The following PDS5A variants were observed in gnomAD, a reference collection of about 807,000 sequenced individuals.
The protein encoded by PDS5A is PDS5 cohesin associated factor A.
PDS5A carries 42 observed loss-of-function variants against 167.1 expected under a neutral mutation model. That is an observed-to-expected ratio of 0.25 (90% CI 0.20 to 0.33). PDS5A has a LOEUF of 0.33. PDS5A is among the 10% of genes least tolerant of loss of function. The pLI is 1.00. For missense variants in PDS5A, 1,033 were observed against 1,605.9 expected (o/e 0.64, Z 6.10); for synonymous variants, 553 against 554.6 (o/e 1.00, Z 0.04).
At chr4:39,888,303 G>A (rs947112453) in intron 17 of PDS5A, among the ~76,000 whole-genome samples, 13 of 150,418 alleles carry the variant, frequency 8.6e-5, no homozygotes, top group Non-Finnish European at 1.5e-4. Flanking sequence ...AACGGATGCC[G>A]GCGAGGATGT....
intron 22 of PDS5A, among the ~76,000 whole-genome samples, chr4:39,869,183 G>A (rs1441925692): frequency 6.6e-6 from 1 of 152,056 alleles, no homozygotes; most frequent in Non-Finnish European, 1.5e-5. Flanking sequence ...ATTAAAAAAG[G>A]CTCCCAGCTA....
rs1717210810 is a variant in PDS5A at position 39,843,070 on chromosome 4, C to T, written c.3549-1014G>A. On this transcript the variant is annotated intron_variant, in intron 30 of 32. Coordinates refer to ENST00000303538, the MANE Select transcript of PDS5A (RefSeq NM_001100399.2). ...AAGTAGCTGGGACTACAAGTGTATG[C>T]CCCCATGATGCCCAGATTGGTTTCG... Among the ~76,000 whole-genome samples the T allele has an allele frequency of 3.3e-5, 5 of 151,428 alleles. No homozygotes were observed. The South Asian group carries it at 1.1e-3, about 32-fold the overall frequency.
intron 27 of PDS5A, 79 bp downstream of exon 27, chr4:39,849,438 CAAA>C (rs33909953): frequency 3.9e-3 from 1,865 of 479,336 alleles, no homozygotes; most frequent in South Asian, 6.9e-3. Context: ...TACGTATGGC[CAAA>C]AAAAAAAAAA....
At chr4:39,974,927 A>C (rs1038119214) in intron 2 of PDS5A, among the ~76,000 whole-genome samples, 24 of 152,012 alleles carry the variant, frequency 1.6e-4, no homozygotes, top group Non-Finnish European at 3.2e-4. Flanking sequence ...AGTGACCAAC[A>C]TAGTGAAATC....
intron 9 of PDS5A, among the ~76,000 whole-genome samples, chr4:39,912,261 A>T (rs1307892302): frequency 6.6e-6 from 1 of 152,234 alleles, no homozygotes; most frequent in Non-Finnish European, 1.5e-5. Context: ...CAGTGAGTGT[A>T]AAATAATGAG....
intron 26 of PDS5A, among the ~76,000 whole-genome samples, chr4:39,861,984 T>C (rs534734515): frequency 6.6e-6 from 1 of 152,200 alleles, no homozygotes; most frequent in South Asian, 2.1e-4. Flanking sequence ...AACTAACCTA[T>C]TTCAAAGACT....
At chr4:39,843,901 T>C (rs1013674412) in intron 30 of PDS5A, among the ~76,000 whole-genome samples, 5 of 151,990 alleles carry the variant, frequency 3.3e-5, no homozygotes, top group Admixed American at 3.3e-4. Flanking sequence ...TCCCAGCACT[T>C]TGGGAGGCTG....
chr4:39,875,851 G>T (rs190316875), intron 19 of PDS5A, among the ~76,000 whole-genome samples: 6 of 152,138 alleles, frequency 3.9e-5, no homozygotes, highest in African/African-American at 1.4e-4. Flanking sequence ...CAATCAAACT[G>T]TTGTTAAATG....
chr4:39,831,999 A>T (rs1715940289), intron 32 of PDS5A, among the ~76,000 whole-genome samples: 1 of 150,520 alleles, frequency 6.6e-6, no homozygotes, highest in Non-Finnish European at 1.5e-5. Flanking sequence ...CTGCAGTCCC[A>T]GCTGCTCCGG....
chr4:39,918,798 A>G (rs1724651697), intron 7 of PDS5A, among the ~76,000 whole-genome samples: 1 of 152,182 alleles, frequency 6.6e-6, no homozygotes, highest in Admixed American at 6.5e-5. Flanking sequence ...GGTTGCAGTG[A>G]GCTGAAATCG....
In PDS5A at chr4:39,977,269, T is replaced by G. The variant is rs1731205803; in HGVS notation, c.-41+188A>C. Among the ~76,000 whole-genome samples, 1 of 151,878 alleles carries G rather than the reference T, an allele frequency of 6.6e-6. No individual in the cohort carries two copies. Among genetic ancestry groups the G allele is most frequent in the African/African-American group, 2.4e-5 (1 of 41,344 alleles). ...GCACTTCACATTTTGTTCCTTCAAC[T>G]TCGGCTGAGGGACCCCAGCTGCTTC... On this transcript the variant is annotated intron_variant, in intron 1 of 32. Transcript: ENST00000303538. The surrounding 1 kb of genome is among the most constrained non-coding windows in gnomAD (Gnocchi z 4.2).
chr4:39,973,480 C>A (rs371960750), intron 2 of PDS5A: 17 of 1,346,180 alleles, frequency 1.3e-5, no homozygotes, highest in African/African-American at 1.0e-4. Context: ...CGTGAAAAAT[C>A]TTGATGATAG....
intron 16 of PDS5A, among the ~76,000 whole-genome samples, chr4:39,892,618 T>G (rs1253132554): frequency 1.3e-5 from 2 of 152,244 alleles, no homozygotes; most frequent in East Asian, 3.8e-4. Context: ...CCTCTGTCAC[T>G]TATTCTGCAA....
intron 26 of PDS5A, among the ~76,000 whole-genome samples, chr4:39,851,773 A>G (rs1718145590): frequency 1.3e-5 from 2 of 152,346 alleles, no homozygotes; most frequent in South Asian, 4.1e-4. Flanking sequence ...CATCGGTTCT[A>G]TAGGTTTGAG....
At chr4:39,962,446 CTT>C (rs1477865679) in intron 2 of PDS5A, among the ~76,000 whole-genome samples, 1 of 152,206 alleles carries the variant, frequency 6.6e-6, no homozygotes, top group African/African-American at 2.4e-5. Flanking sequence ...CAGAACTACT[CTT>C]GTTGCCAGGA....
rs562202060 is a variant in PDS5A at position 39,934,292 on chromosome 4, C to G, written c.139-6128G>C. On this transcript the variant is annotated intron_variant, in intron 2 of 32. Transcript: ENST00000303538. The stretch of plus-strand genomic sequence containing the variant: ...CCTGTAAGCCTGAATTAAGGGTGCT[C>G]TTCCAGCAATTCCAAATCACTTTTT... 5.3e-4 allele frequency among the ~76,000 whole-genome samples: 81 copies of G among 152,274 alleles called. No individual in the cohort carries two copies. The Middle Eastern group carries it at 0.024, about 45-fold the overall frequency.
At chr4:39,961,170 C>T (rs1053141307) in intron 2 of PDS5A, among the ~76,000 whole-genome samples, 5 of 152,114 alleles carry the variant, frequency 3.3e-5, no homozygotes, top group African/African-American at 7.2e-5. Context: ...TATATTGTAA[C>T]GAACTGTAGA....
At chr4:39,973,226 C>A in intron 2 of PDS5A, 6 of 1,362,758 alleles carry the variant, frequency 4.4e-6, no homozygotes, top group Non-Finnish European at 6.3e-6. Flanking sequence ...AACCTTAGAA[C>A]AGAGTGACTC....
At position 39,837,890 on chromosome 4, in the gene PDS5A, C is replaced by A. The variant is rs745429865; in HGVS notation, c.3976G>T (p.Ala1326Ser). ...APKLQDLAKKAAPAERQIDLQ... is the reference protein window; with the variant it reads ...APKLQDLAKKSAPAERQIDLQ... ...TCAATTTGTCTTTCTGCTGGTGCTG[C>A]CTTTTTGGCTAAATCTTGCAGTTTG... Residue 1326 changes from alanine to serine, a missense_variant, in exon 32 of 33, where the codon GCA becomes TCA. Around this residue, in one of 4 missense-constraint regions of PDS5A, gnomAD observed 233 missense variants for 264.0 expected, o/e 0.88. Coordinates refer to ENST00000303538, the MANE Select transcript of PDS5A (RefSeq NM_001100399.2). 6.2e-7 allele frequency: 1 copy of A among 1,612,328 alleles called. No homozygotes were observed. The highest frequency in any genetic ancestry group is 1.1e-5 in the South Asian group (1 of 90,588).
Sources: gnomAD v4.1 joint callset for allele counts (sites outside exome capture counted in the v4.1 genomes callset) on GRCh38, gnomAD v4.1.1 for gene constraint, gnomAD v4.1.1 regional missense constraint, Gnocchi (gnomAD v3.1) non-coding constraint, MANE v1.5 for transcripts, NCBI Gene and HGNC (gene_info 2026-07-23, HGNC 2026-07-21) for gene names.